PCDHGA3: variants seen among roughly 807,000 people sequenced by gnomAD.
PCDHGA3 encodes protocadherin gamma subfamily A, 3.
In PCDHGA3, 40 loss-of-function variants were observed where a neutral mutation model predicts 58.5. The observed-to-expected ratio is 0.68, with a 90% CI of 0.53 to 0.89. The LOEUF is 0.89. Ranked by LOEUF, PCDHGA3 falls within the 40% of genes least tolerant of loss-of-function variation. The pLI, the probability that PCDHGA3 is intolerant of heterozygous loss-of-function variation, is 0.00. For synonymous variants in PCDHGA3, 530 were observed against 525.7 expected (o/e 1.01, Z -0.11); for missense variants, 1,223 against 1,195.9 (o/e 1.02, Z -0.33).
intron 1 of PCDHGA3, chr5:141,405,162 C>T: frequency 6.2e-7 from 1 of 1,614,098 alleles, no homozygotes; most frequent in Non-Finnish European, 8.5e-7. Flanking sequence ...GGTGTGCCCA[C>T]CTCACACTTT....
At chr5:141,433,353 G>C (rs2097584366) in intron 1 of PCDHGA3, 4 of 603,272 alleles carry the variant, frequency 6.6e-6, no homozygotes, top group South Asian at 6.2e-5. Context: ...GCCACCTACT[G>C]TCTGCCTATC....
chr5:141,449,584 G>C (rs2098645697), intron 1 of PCDHGA3, among the ~76,000 whole-genome samples: 1 of 123,190 alleles, frequency 8.1e-6, no homozygotes, highest in South Asian at 2.5e-4. Context: ...GCAAGACTCT[G>C]TCTCAAAAAA....
chr5:141,382,821 CAG>C, intron 1 of PCDHGA3: 1 of 1,306,412 alleles, frequency 7.7e-7, no homozygotes, highest in South Asian at 1.5e-5. Context: ...CTTCCTAAGA[CAG>C]AGGGGTCCAC....
At chr5:141,430,888 T>C (rs1447560622) in intron 1 of PCDHGA3, 5 of 1,605,402 alleles carry the variant, frequency 3.1e-6, no homozygotes, top group Admixed American at 1.7e-5. Context: ...AGAAAGGCTC[T>C]AGGGTGGGCG....
chr5:141,346,578 A>T, intron 1 of PCDHGA3, 121 bp downstream of exon 1: 2 of 1,394,128 alleles, frequency 1.4e-6, no homozygotes, highest in Non-Finnish European at 1.9e-6. Context: ...CTTTGACTAA[A>T]TATTTGTCCC....
rs774225776 is a variant in PCDHGA3 at position 141,344,776 on chromosome 5, G to A, written c.743G>A (p.Arg248His). The change falls in exon 1 of 4, where the codon CGT becomes CAT. Residue 248 changes from arginine (R) to histidine (H), a missense_variant. Transcript: ENST00000253812. ...CCAATGTTTACTCAGCCTGAGTACC[G>A]TGTGAGTGTTTGGGAGAACGTGCCT... is the stretch of plus-strand genomic sequence containing the variant. ...NPPMFTQPEY[R>H]VSVWENVPVG... 3.7e-6 allele frequency: 6 copies of A among 1,613,830 alleles called. No homozygotes were observed. Among genetic ancestry groups the A allele is most frequent in the Admixed American group, 3.3e-5 (2 of 59,998 alleles).
At position 141,490,807 on chromosome 5, in the gene PCDHGA3, G is replaced by T. The variant is rs1315856354; in HGVS notation, c.2425-4000G>T. Reference sequence around the variant, plus strand: ...ACGGATCTTTGCCCAGCGTACCTTTGACTATGAATTGCTGCAGATGCTGCA... The same window carrying T: ...ACGGATCTTTGCCCAGCGTACCTTTTACTATGAATTGCTGCAGATGCTGCA... On this transcript the variant is annotated intron_variant, in intron 1 of 3. Transcript: ENST00000253812. This position sits in a 1 kb window ranked among gnomAD's most constrained non-coding sequence, Gnocchi z 5.4. 6.2e-7 allele frequency: 1 copy of T among 1,613,924 alleles called. No individual in the cohort carries two copies. The highest frequency in any genetic ancestry group is 8.5e-7 in the Non-Finnish European group (1 of 1,179,870).
chr5:141,354,321 T>C (rs1759514150), intron 1 of PCDHGA3, among the ~76,000 whole-genome samples: 1 of 152,240 alleles, frequency 6.6e-6, no homozygotes. Flanking sequence ...ATTACTACTC[T>C]ATGAAAGGTA....
chr5:141,502,514 T>A (rs2099814743), intron 2 of PCDHGA3, among the ~76,000 whole-genome samples: 1 of 152,202 alleles, frequency 6.6e-6, no homozygotes, highest in African/African-American at 2.4e-5. Flanking sequence ...TGTCCCACTA[T>A]CAGTGATGCC....
chr5:141,345,148 A>C lies in PCDHGA3; in HGVS notation c.1115A>C (p.His372Pro), dbSNP rs1757527696. The C allele has an allele frequency of 6.2e-7, 1 of 1,614,046 alleles. No individual in the cohort carries two copies. Among genetic ancestry groups the C allele is most frequent in the African/African-American group, 1.3e-5 (1 of 75,048 alleles). ...AGAGAAATTGCTCTTATCGACGTGC[A>C]TGACCGAGATTCTGGGCAGAATGGG... ...VGREIALIDVHDRDSGQNGQV... is the reference protein window; with the variant it reads ...VGREIALIDVPDRDSGQNGQV... Residue 372 changes from histidine to proline, a missense_variant, in exon 1 of 4, where the codon CAT becomes CCT. This residue lies in a region of PCDHGA3 where 791 missense variants were observed against 708.5 expected (regional missense o/e 1.12). Transcript: ENST00000253812.
Position 141,511,983 on chromosome 5 carries a change from G to C in PCDHGA3, c.*810G>C, listed in dbSNP as rs904146751. On this transcript the variant is annotated 3_prime_UTR_variant, in exon 4 of 4. Coordinates refer to ENST00000253812, the MANE Select transcript of PCDHGA3 (RefSeq NM_018916.4). ...AGGGAAGTGTGTGGATGTGGATGGT[G>C]GGGGCATGGACAAAGCTTGACACAT... 6.5e-6 allele frequency: 1 copy of C among 153,280 alleles called. No individual in the cohort carries two copies. The allele number at this position is 153,280 out of a possible 1,614,324, so 9.5% of individuals were successfully genotyped here.
chr5:141,372,939 G>T (rs1026338118), intron 1 of PCDHGA3: 1 of 824,796 alleles, frequency 1.2e-6, no homozygotes, highest in Non-Finnish European at 1.8e-6. Context: ...GTAGAGTAGG[G>T]TGTCTAGGAA....
chr5:141,352,232 C>T, intron 1 of PCDHGA3: 1 of 1,614,086 alleles, frequency 6.2e-7, no homozygotes, highest in Non-Finnish European at 8.5e-7. Flanking sequence ...CACGCTGCAC[C>T]TAATCTTCGC....
chr5:141,483,588 A>G (rs2099583207), intron 1 of PCDHGA3, among the ~76,000 whole-genome samples: 1 of 152,112 alleles, frequency 6.6e-6, no homozygotes, highest in African/African-American at 2.4e-5. Flanking sequence ...AACACCTAAT[A>G]GGTCAGGCTG....
intron 1 of PCDHGA3, among the ~76,000 whole-genome samples, chr5:141,347,268 C>T (rs1757943776): frequency 2.6e-5 from 4 of 151,850 alleles, no homozygotes; most frequent in Admixed American, 2.6e-4. Context: ...ATCCTCCCAC[C>T]TCAGCCTCCC....
intron 1 of PCDHGA3, chr5:141,360,095 C>T (rs1402675837): frequency 2.6e-6 from 4 of 1,524,018 alleles, no homozygotes; most frequent in South Asian, 2.6e-5. Context: ...CCCCGGAAGG[C>T]TTATTCCTCC....
intron 1 of PCDHGA3, chr5:141,427,931 G>C: frequency 6.3e-7 from 1 of 1,583,764 alleles, no homozygotes; most frequent in Non-Finnish European, 8.6e-7. Flanking sequence ...GGCGCATGTT[G>C]GTGGGCGACC....
intron 1 of PCDHGA3, chr5:141,394,289 C>G (rs191844335): frequency 2.5e-6 from 4 of 1,613,954 alleles, no homozygotes; most frequent in Admixed American, 1.7e-5. Context: ...ACTCTGTGAC[C>G]GAGGACACGC....
intron 1 of PCDHGA3, chr5:141,478,401 T>G: frequency 6.2e-7 from 1 of 1,613,480 alleles, no homozygotes; most frequent in South Asian, 1.1e-5. Context: ...CAGGTGTATC[T>G]CACCACGGAC....
Sources: allele counts gnomAD v4.1 joint callset (sites outside exome capture counted in the v4.1 genomes callset), GRCh38; gene constraint gnomAD v4.1.1; regional missense constraint gnomAD v4.1.1; non-coding constraint Gnocchi (gnomAD v3.1); transcripts MANE v1.5; gene names NCBI Gene and HGNC (gene_info 2026-07-23, HGNC 2026-07-21).